Variants in CREBRF observed in about 807,000 individuals in gnomAD.
The protein encoded by CREBRF is UPF0474 protein C5orf41.
A neutral mutation model predicts 66.1 loss-of-function variants in CREBRF; 5 were observed. The observed-to-expected ratio is 0.08, with a 90% CI of 0.04 to 0.16. CREBRF has a LOEUF of 0.16. Ranked by LOEUF, CREBRF falls within the 10% of genes least tolerant of loss-of-function variation. The probability of loss-of-function intolerance (pLI) is 1.00; values close to 1 mark genes in which losing one functional copy is unlikely to be tolerated. For missense variants in CREBRF, 531 were observed against 744.9 expected (o/e 0.71, Z 3.34); for synonymous variants, 229 against 264.4 (o/e 0.87, Z 1.30).
chr5:173,078,105 T>C (rs940511931), intron 1 of CREBRF, among the ~76,000 whole-genome samples: 3 of 152,238 alleles, frequency 2.0e-5, no homozygotes, highest in Non-Finnish European at 4.4e-5. Flanking sequence ...CTAGATCATA[T>C]GGTAATTGGA....
intron 2 of CREBRF, chr5:173,085,877 G>T: frequency 2.4e-6 from 2 of 822,580 alleles, no homozygotes; most frequent in Non-Finnish European, 4.4e-6. Context: ...TCTGAGATCA[G>T]TTTGGGTCCC....
At chr5:173,110,812 CT>C in intron 6 of CREBRF, 101 bp downstream of exon 6, 1 of 798,676 alleles carries the variant, frequency 1.3e-6, no homozygotes, top group Non-Finnish European at 1.9e-6. Flanking sequence ...TTGTATTTTT[CT>C]TGTATAAATA....
Position 173,090,935 on chromosome 5 carries a change from G to A in CREBRF, c.756G>A (p.Leu252=), listed in dbSNP as rs1758308789. 1 of 1,614,156 alleles carries A rather than the reference G, an allele frequency of 6.2e-7. No individual in the cohort carries two copies. The highest frequency in any genetic ancestry group is 8.5e-7 in the Non-Finnish European group (1 of 1,180,030). ...INPVQQSRPL[L]SQIHTDAAKE... is the part of the protein sequence containing the mutation. ...CAGTGCAACAGAGCCGGCCCTTGTT[G>A]AGCCAGATTCACACAGATGCAGCAA... The change falls in exon 4 of 9, where the codon TTG becomes TTA. Residue 252 remains leucine (L), a synonymous_variant. Coordinates refer to ENST00000296953, the MANE Select transcript of CREBRF (RefSeq NM_153607.3). The surrounding 1 kb of genome is among the most constrained non-coding windows in gnomAD (Gnocchi z 4.5).
intron 2 of CREBRF, chr5:173,086,122 A>G (rs1486230944): frequency 1.2e-6 from 1 of 802,754 alleles, no homozygotes; most frequent in Non-Finnish European, 2.3e-6. Flanking sequence ...CGTTATTCCG[A>G]TGGAAATTTG....
chr5:173,070,987 T>G (rs1420025403), intron 1 of CREBRF, among the ~76,000 whole-genome samples: 2 of 152,080 alleles, frequency 1.3e-5, no homozygotes, highest in Non-Finnish European at 2.9e-5. Flanking sequence ...ATGATGGTCA[T>G]TCTCAAAGAT....
At position 173,086,300 on chromosome 5, in the gene CREBRF, A is replaced by G. The variant is rs534336186; in HGVS notation, c.10-201A>G. On this transcript the variant is annotated intron_variant, in intron 2 of 8. Coordinates refer to ENST00000296953, the MANE Select transcript of CREBRF (RefSeq NM_153607.3). ...GCATTGGCAGCACTCTATTTTTTCT[A>G]TTTTTAGGTATTTTCCTAATATAAG... 3.8e-4 allele frequency: 246 copies of G among 639,040 alleles called. 1 individual carries two copies. The highest frequency in any genetic ancestry group is 2.2e-3 in the Admixed American group (78 of 36,180). 39.6% of individuals were successfully genotyped at this position (639,040 alleles called of 1,614,324 possible).
intron 8 of CREBRF, among the ~76,000 whole-genome samples, chr5:173,125,987 GGGCAACAT>G (rs1380294252): frequency 6.6e-6 from 1 of 152,184 alleles, no homozygotes; most frequent in Non-Finnish European, 1.5e-5. Flanking sequence ...AGACCAGCCT[GGGCAACAT>G]GGCAACCCAT....
At chr5:173,081,958 T>C (rs573479251) in intron 2 of CREBRF, among the ~76,000 whole-genome samples, 7 of 150,038 alleles carry the variant, frequency 4.7e-5, no homozygotes, top group Non-Finnish European at 8.9e-5. Flanking sequence ...CTGTGACAGA[T>C]GGACTGCATA....
chr5:173,068,426 C>G (rs1757498426), intron 1 of CREBRF, among the ~76,000 whole-genome samples: 1 of 152,136 alleles, frequency 6.6e-6, no homozygotes, highest in African/African-American at 2.4e-5. Context: ...TTTTATATGA[C>G]TCTGTTTCAT....
chr5:173,132,044 T>C (rs1463497102), intron 8 of CREBRF, among the ~76,000 whole-genome samples: 2 of 151,804 alleles, frequency 1.3e-5, no homozygotes, highest in Non-Finnish European at 2.9e-5. Context: ...TTTTTTATGA[T>C]ATCTTTTGAC....
At chr5:173,082,032 G>GTTTTTTTTTTTTTTTTTT (rs1757969922) in intron 2 of CREBRF, among the ~76,000 whole-genome samples, 1 of 22,354 alleles carries the variant, frequency 4.5e-5, no homozygotes. Flanking sequence ...TTTTTTTTTT[G>GTTTTTTTTTTTTTTTTTT]AGCTGGAGTC....
intron 6 of CREBRF, among the ~76,000 whole-genome samples, chr5:173,110,999 T>C (rs1401891039): frequency 2.6e-5 from 4 of 152,210 alleles, no homozygotes; most frequent in Non-Finnish European, 4.4e-5. Context: ...GTCAGAGTTA[T>C]TGAGCTATAA....
Position 173,090,912 on chromosome 5 carries a change from G to T in CREBRF, c.733G>T (p.Val245Leu), listed in dbSNP as rs762345720. 9 of 1,614,216 alleles carry T rather than the reference G, an allele frequency of 5.6e-6. No homozygotes were observed. Among genetic ancestry groups the T allele is most frequent in the Non-Finnish European group, 6.8e-6 (8 of 1,180,042 alleles). ...AAAGGCAAAGGTAAAGATCAACCCAGTGCAACAGAGCCGGCCCTTGTTGAG... is the reference window on the plus strand; with the variant it reads ...AAAGGCAAAGGTAAAGATCAACCCATTGCAACAGAGCCGGCCCTTGTTGAG... ...VKKAKVKINP[V>L]QQSRPLLSQI... is the part of the protein sequence containing the mutation. The change falls in exon 4 of 9, where the codon GTG (valine) becomes TTG (leucine). Residue 245 changes from valine to leucine, a missense_variant. Coordinates refer to ENST00000296953, the MANE Select transcript of CREBRF (RefSeq NM_153607.3). The surrounding 1 kb of genome is among the most constrained non-coding windows in gnomAD (Gnocchi z 4.5).
rs745935451 is a variant in CREBRF at position 173,080,743 on chromosome 5, T to G, written c.-33T>G. On this transcript the variant is annotated 5_prime_UTR_variant, in exon 2 of 9. Coordinates refer to ENST00000296953, the MANE Select transcript of CREBRF (RefSeq NM_153607.3). Reference sequence around the variant, plus strand: ...TTTACAAACAAGAAAAAAAAGAAGTTTGGAATCGGATTCACAGGATCTGGG... The same window carrying G: ...TTTACAAACAAGAAAAAAAAGAAGTGTGGAATCGGATTCACAGGATCTGGG... 1.2e-5 allele frequency: 19 copies of G among 1,610,858 alleles called. No homozygotes were observed. The South Asian group carries it at 1.7e-4, about 14-fold the overall frequency.
intron 1 of CREBRF, among the ~76,000 whole-genome samples, chr5:173,069,353 T>C (rs1176045689): frequency 1.3e-5 from 2 of 152,112 alleles, no homozygotes; most frequent in East Asian, 1.9e-4. Context: ...ATTTCTTTTT[T>C]TTTTGAGACA....
chr5:173,131,695 T>TAC (rs67580803), intron 8 of CREBRF, among the ~76,000 whole-genome samples: 4,287 of 148,978 alleles, frequency 0.029, 117 homozygotes, highest in African/African-American at 0.068. Flanking sequence ...TATATATGTA[T>TAC]ACACACACAC....
At chr5:173,083,088 C>T (rs1758015456) in intron 2 of CREBRF, among the ~76,000 whole-genome samples, 2 of 151,510 alleles carry the variant, frequency 1.3e-5, no homozygotes. Flanking sequence ...ATTAGCTGGA[C>T]GTGGTGGTGC....
chr5:173,122,344 A>G (rs1581045364), intron 7 of CREBRF, among the ~76,000 whole-genome samples: 1 of 152,176 alleles, frequency 6.6e-6, no homozygotes, highest in South Asian at 2.1e-4. Flanking sequence ...CATGCAGTCC[A>G]CCTGCCTTGG....
chr5:173,094,112 T>G (rs948473210), intron 4 of CREBRF, among the ~76,000 whole-genome samples: 10 of 152,232 alleles, frequency 6.6e-5, no homozygotes, highest in Admixed American at 2.6e-4. Flanking sequence ...TCCTTTCTTT[T>G]TAAGGCTGAA....
Sources: gnomAD v4.1 joint callset for allele counts (sites outside exome capture counted in the v4.1 genomes callset) on GRCh38, gnomAD v4.1.1 for gene constraint, Gnocchi (gnomAD v3.1) non-coding constraint, MANE v1.5 for transcripts, NCBI Gene and HGNC (gene_info 2026-07-23, HGNC 2026-07-21) for gene names.